Variants in LRFN2 observed in about 807,000 individuals in gnomAD.
LRFN2 encodes the protein leucine rich repeat and fibronectin type III domain containing 2, also known as leucine-rich repeat and fibronectin type-III domain-containing protein 2.
In LRFN2, 18 loss-of-function variants were observed where a neutral mutation model predicts 37.3. That is an observed-to-expected ratio of 0.48 (90% CI 0.33 to 0.72). The LOEUF is 0.72. LRFN2 is among the 30% of genes least tolerant of loss of function. The pLI is 0.02. For synonymous variants in LRFN2, 556 were observed against 466.6 expected, an observed-to-expected ratio of 1.19 and a Z score of -2.47; for missense variants, 1,006 against 1,060.7, an observed-to-expected ratio of 0.95 and a Z score of 0.72.
At chr6:40,423,299 G>C (rs1056640169) in intron 2 of LRFN2, among the ~76,000 whole-genome samples, 3 of 152,164 alleles carry the variant, frequency 2.0e-5, no homozygotes, top group Non-Finnish European at 4.4e-5. Context: ...AGCTCTGTTG[G>C]TTTTGAAAAA....
chr6:40,470,709 AC>A (rs1483219366), intron 1 of LRFN2, among the ~76,000 whole-genome samples: 1 of 151,700 alleles, frequency 6.6e-6, no homozygotes, highest in African/African-American at 2.4e-5. Flanking sequence ...AGCCCCTCTC[AC>A]CCCAGGCCCC....
intron 2 of LRFN2, among the ~76,000 whole-genome samples, chr6:40,421,900 C>G (rs75727982): frequency 6.6e-6 from 1 of 152,122 alleles, no homozygotes; most frequent in African/African-American, 2.4e-5. Context: ...TCTTCTTTCA[C>G]GCTTTGTCAT....
intron 2 of LRFN2, among the ~76,000 whole-genome samples, chr6:40,421,131 G>T (rs1410963716): frequency 1.3e-5 from 2 of 152,238 alleles, no homozygotes; most frequent in African/African-American, 2.4e-5. Flanking sequence ...CAAGAGCAGT[G>T]AGCCACACAT....
intron 1 of LRFN2, among the ~76,000 whole-genome samples, chr6:40,438,108 C>T (rs958235685): frequency 2.0e-5 from 3 of 152,134 alleles, no homozygotes; most frequent in Non-Finnish European, 4.4e-5. Flanking sequence ...GGAGCGAGAG[C>T]TTGTCTGCCC....
intron 1 of LRFN2, among the ~76,000 whole-genome samples, chr6:40,544,359 G>A (rs555251513): frequency 6.6e-6 from 1 of 152,314 alleles, no homozygotes; most frequent in East Asian, 1.9e-4. Context: ...AATTCTCAGT[G>A]TCACTGTGAA....
In LRFN2 at chr6:40,425,970, C is replaced by G. The variant is rs375526046; in HGVS notation, c.1400+5744G>C. Among the ~76,000 whole-genome samples the G allele has an allele frequency of 5.6e-4, 85 of 152,286 alleles. No homozygotes were observed. In the East Asian group the frequency reaches 0.013, roughly 24 times the overall value. On this transcript the variant is annotated intron_variant, in intron 2 of 2. Transcript: ENST00000338305. ...ATGTTTTCAGACATTGCTCTTAGCT[C>G]TTTGGGGTTTCTGTGAAACCTCGAG...
chr6:40,447,593 C>T (rs114538560), intron 1 of LRFN2, among the ~76,000 whole-genome samples: 5,136 of 152,292 alleles, frequency 0.034, 154 homozygotes, highest in East Asian at 0.08. Context: ...TTCATTACTT[C>T]AAACGTAGAT....
chr6:40,460,940 C>A (rs1298712076), intron 1 of LRFN2, among the ~76,000 whole-genome samples: 1 of 152,170 alleles, frequency 6.6e-6, no homozygotes, highest in African/African-American at 2.4e-5. Context: ...GTCTACGGAA[C>A]AACTAGGGGA....
At chr6:40,477,062 C>T (rs1190923359) in intron 1 of LRFN2, among the ~76,000 whole-genome samples, 1 of 152,226 alleles carries the variant, frequency 6.6e-6, no homozygotes, top group Admixed American at 6.5e-5. Context: ...AGTCTCCAAT[C>T]CCAACCACAT....
chr6:40,511,815 A>G (rs972355905), intron 1 of LRFN2, among the ~76,000 whole-genome samples: 22 of 152,222 alleles, frequency 1.4e-4, no homozygotes, highest in African/African-American at 4.8e-4. Context: ...AAGTTCTAAT[A>G]TGATGATTCT....
At chr6:40,522,761 C>A (rs1245171446) in intron 1 of LRFN2, among the ~76,000 whole-genome samples, 9 of 152,182 alleles carry the variant, frequency 5.9e-5, no homozygotes, top group African/African-American at 1.9e-4. Flanking sequence ...TAGAACCAGG[C>A]AGCTGCATCT....
chr6:40,516,425 AG>A (rs1365676922), intron 1 of LRFN2: 1 of 152,222 alleles, frequency 6.6e-6, no homozygotes, highest in Non-Finnish European at 1.5e-5. Context: ...GACATCCACA[AG>A]GAAACAGGAA....
rs1340352028 is a variant in LRFN2, at chr6:40,432,754, G to A, written c.360C>T (p.Leu120=). The change falls in exon 2 of 3, where the codon CTC becomes CTT. Residue 120 remains leucine (L), a synonymous_variant. Coordinates refer to ENST00000338305, the MANE Select transcript of LRFN2 (RefSeq NM_020737.3). ...GGTGCTGCAGGTTGACCAGGCCCCG[G>A]AGGGTGTCCTCCCCAAGGCTTGGCA... ...NRLPSLGEDT[L]RGLVNLQHLI... The A allele has an allele frequency of 6.2e-7, 1 of 1,614,202 alleles. No homozygotes were observed.
At chr6:40,419,238 A>T (rs560753971) in intron 2 of LRFN2, among the ~76,000 whole-genome samples, 1 of 152,230 alleles carries the variant, frequency 6.6e-6, no homozygotes, top group East Asian at 1.9e-4. Flanking sequence ...TGCTGAGCGC[A>T]GTTCATTCCC....
Position 40,392,532 on chromosome 6 carries a change from G to T in LRFN2, c.1781C>A (p.Ala594Asp). 1 of 1,570,876 alleles carries T rather than the reference G, an allele frequency of 6.4e-7. No individual in the cohort carries two copies. Among genetic ancestry groups the T allele is most frequent in the East Asian group, 2.4e-5 (1 of 42,126 alleles). ...PPPPSSAPAG[A>D]PPQGPPKVVV... Reference sequence around the variant, plus strand: ...CACCTTCGGCGGGCCCTGCGGCGGGGCCCCGGCTGGTGCGCTGCTTGGAGG... The same window carrying T: ...CACCTTCGGCGGGCCCTGCGGCGGGTCCCCGGCTGGTGCGCTGCTTGGAGG... Residue 594 changes from alanine (A) to aspartate (D), a missense_variant, in exon 3 of 3, where the codon GCC becomes GAC. Around this residue, in one of 4 missense-constraint regions of LRFN2, gnomAD observed 398 missense variants for 327.6 expected, o/e 1.21. Coordinates refer to ENST00000338305, the MANE Select transcript of LRFN2 (RefSeq NM_020737.3). This position sits in a 1 kb window ranked among gnomAD's most constrained non-coding sequence, Gnocchi z 4.7.
At chr6:40,553,541 C>T (rs554170754) in intron 1 of LRFN2, among the ~76,000 whole-genome samples, 6 of 152,214 alleles carry the variant, frequency 3.9e-5, no homozygotes, top group Non-Finnish European at 5.9e-5. Flanking sequence ...TAGGGGAGGT[C>T]TTTCCCCACT....
At chr6:40,482,368 T>C (rs1318139375) in intron 1 of LRFN2, among the ~76,000 whole-genome samples, 1 of 152,040 alleles carries the variant, frequency 6.6e-6, no homozygotes, top group African/African-American at 2.4e-5. Flanking sequence ...CAGGAGAAGA[T>C]GCTACGTTCT....
chr6:40,485,206 C>A (rs1011438686), intron 1 of LRFN2, among the ~76,000 whole-genome samples: 2 of 152,204 alleles, frequency 1.3e-5, no homozygotes, highest in Admixed American at 6.5e-5. Flanking sequence ...GAAGGATGGA[C>A]AAGATGACAT....
Position 40,432,403 on chromosome 6 carries a change from A to G in LRFN2, c.711T>C (p.Phe237=), listed in dbSNP as rs143720308. 1.1e-4 allele frequency: 180 copies of G among 1,614,138 alleles called. No homozygotes were observed. The highest frequency in any genetic ancestry group is 6.5e-4 in the African/African-American group (49 of 75,072). The change falls in exon 2 of 3, where the codon TTT becomes TTC. Residue 237 remains phenylalanine, a synonymous_variant. Transcript: ENST00000338305. ...AGTGAAGTGGGTTACCCCCAAAACT[A>G]AAGGACAAGGGTGGGGCAAAGGGTG... is the stretch of plus-strand genomic sequence containing the variant. ...TATPFAPPLS[F]SFGGNPLHCN...
Sources: gnomAD v4.1 joint callset for allele counts (sites outside exome capture counted in the v4.1 genomes callset) on GRCh38, gnomAD v4.1.1 for gene constraint, gnomAD v4.1.1 regional missense constraint, Gnocchi (gnomAD v3.1) non-coding constraint, MANE v1.5 for transcripts, NCBI Gene and HGNC (gene_info 2026-07-23, HGNC 2026-07-21) for gene names.